FBXL18: variants seen among roughly 807,000 people sequenced by gnomAD.
The protein encoded by FBXL18 is F-box and leucine rich repeat protein 18.
FBXL18 carries 36 observed loss-of-function variants against 46.0 expected under a neutral mutation model. The observed-to-expected ratio is 0.78, with a 90% confidence interval of 0.60 to 1.03. The LOEUF (loss-of-function observed/expected upper bound fraction) is 1.03, where lower values mean the gene tolerates loss of function less well. Ranked by LOEUF, FBXL18 falls within the 50% of genes least tolerant of loss-of-function variation. FBXL18 has a pLI of 0.00. For missense variants in FBXL18, 977 were observed against 1,004.1 expected (o/e 0.97, Z 0.36); for synonymous variants, 557 against 465.3 (o/e 1.20, Z -2.54).
intron 3 of FBXL18, among the ~76,000 whole-genome samples, chr7:5,494,674 G>A (rs1784026394): frequency 6.6e-6 from 1 of 152,136 alleles, no homozygotes; most frequent in Non-Finnish European, 1.5e-5. Context: ...TGCAGGCGCC[G>A]CACCTGCTGA....
intron 4 of FBXL18, among the ~76,000 whole-genome samples, chr7:5,460,649 C>T (rs1783231056): frequency 6.6e-6 from 1 of 152,176 alleles, no homozygotes; most frequent in Admixed American, 6.6e-5. Flanking sequence ...GATGGGGTTT[C>T]ACCATGTTGG....
At position 5,513,639 on chromosome 7, in the gene FBXL18, G is replaced by C. The variant is rs1247532360; in HGVS notation, c.18+18C>G. ...GCCGCCGAGGCAGAAGCAGAGCGGA[G>C]ACAGTCGCGGACAGTACCTCTCCGG... On this transcript the variant is annotated intron_variant, in intron 1 of 4. Coordinates refer to ENST00000382368, the MANE Select transcript of FBXL18 (RefSeq NM_024963.6). 3 of 1,611,994 alleles carry C rather than the reference G, an allele frequency of 1.9e-6. No homozygotes were observed. Among genetic ancestry groups the C allele is most frequent in the Non-Finnish European group, 2.5e-6 (3 of 1,179,070 alleles).
At position 5,481,195 on chromosome 7, in the gene FBXL18, G is replaced by C. The variant is rs1410557201; in HGVS notation, c.*580C>G. On this transcript the variant is annotated 3_prime_UTR_variant, in exon 5 of 5. Coordinates refer to ENST00000382368, the MANE Select transcript of FBXL18 (RefSeq NM_024963.6). ...TAGAAAAGCCCCAGAGACATGAGTGGGCTCAAGTGTGTCCTAATGGGATGG... is the reference window on the plus strand; with the variant it reads ...TAGAAAAGCCCCAGAGACATGAGTGCGCTCAAGTGTGTCCTAATGGGATGG... The C allele has an allele frequency of 6.5e-6, 1 of 152,680 alleles. No individual in the cohort carries two copies. 9.5% of individuals were successfully genotyped at this position (152,680 alleles called of 1,614,324 possible).
intron 4 of FBXL18, chr7:5,489,519 C>G: frequency 6.1e-6 from 2 of 330,076 alleles, no homozygotes; most frequent in South Asian, 2.4e-5. Flanking sequence ...GCCTGTAATC[C>G]CAGCACTTTG....
rs1490535690 is a variant in FBXL18 at position 5,496,815 on chromosome 7, C to A, written c.1781+3673G>T. Among the ~76,000 whole-genome samples, 2 of 151,898 alleles carry A rather than the reference C, an allele frequency of 1.3e-5. No individual in the cohort carries two copies. Among genetic ancestry groups the A allele is most frequent in the East Asian group, 3.9e-4 (2 of 5,178 alleles). ...CCGAGGTGGGCGGATCACCTGAGGT[C>A]AGGAGTTCGAGACCAGCCTGGCCAA... On this transcript the variant is annotated intron_variant, in intron 3 of 4. Coordinates refer to ENST00000382368, the MANE Select transcript of FBXL18 (RefSeq NM_024963.6). This position sits in a 1 kb window ranked among gnomAD's most constrained non-coding sequence, Gnocchi z 4.8.
At chr7:5,483,478 C>T (rs1001847534) in intron 4 of FBXL18, among the ~76,000 whole-genome samples, 2 of 150,538 alleles carry the variant, frequency 1.3e-5, no homozygotes, top group African/African-American at 4.9e-5. Context: ...AGCGCAGTGG[C>T]TCATGCCTGT....
Position 5,481,713 on chromosome 7 carries a change from G to T in FBXL18, c.*62C>A. 6.4e-7 allele frequency: 1 copy of T among 1,572,554 alleles called. No individual in the cohort carries two copies. The highest frequency in any genetic ancestry group is 8.7e-7 in the Non-Finnish European group (1 of 1,151,040). ...CTCTTGTGACAAACCAAGGGTCCCTGGCGTCCCAGGCTCCTGCAGCTTCTC... is the reference window on the plus strand; with the variant it reads ...CTCTTGTGACAAACCAAGGGTCCCTTGCGTCCCAGGCTCCTGCAGCTTCTC... On this transcript the variant is annotated 3_prime_UTR_variant, in exon 5 of 5. Coordinates refer to ENST00000382368, the MANE Select transcript of FBXL18 (RefSeq NM_024963.6).
At position 5,501,375 on chromosome 7, in the gene FBXL18, G is replaced by T; in HGVS notation, c.894C>A (p.Pro298=). ...RNVVLDALQL[P]KSWLNGSSLL... ...GGGAAGAGCCGTTCAGCCAGGACTT[G>T]GGCAGCTGCAGGGCATCCAGCACGA... Residue 298 remains proline (P), a synonymous_variant, in exon 3 of 5, where the codon CCC becomes CCA. Transcript: ENST00000382368. 1 of 1,614,064 alleles carries T rather than the reference G, an allele frequency of 6.2e-7. No individual in the cohort carries two copies. Among genetic ancestry groups the T allele is most frequent in the Non-Finnish European group, 8.5e-7 (1 of 1,180,042 alleles).
chr7:5,500,207 G>C (rs1260422482), intron 3 of FBXL18, among the ~76,000 whole-genome samples: 9 of 152,126 alleles, frequency 5.9e-5, no homozygotes, highest in African/African-American at 2.2e-4. Context: ...ACCTGGCAGG[G>C]TCCTGAGACG....
intron 4 of FBXL18, among the ~76,000 whole-genome samples, chr7:5,457,970 G>A (rs1003606476): frequency 6.6e-6 from 1 of 152,114 alleles, no homozygotes; most frequent in Admixed American, 6.6e-5. Context: ...CCCAGCTGGA[G>A]AACTGCCCAC....
At chr7:5,498,275 G>C (rs992411261) in intron 3 of FBXL18, among the ~76,000 whole-genome samples, 1 of 151,972 alleles carries the variant, frequency 6.6e-6, no homozygotes, top group Non-Finnish European at 1.5e-5. Flanking sequence ...TTTTAGTAGA[G>C]ACGGGTTTCA....
At chr7:5,464,334 C>A in intron 4 of FBXL18, among the ~76,000 whole-genome samples, 1 of 151,932 alleles carries the variant, frequency 6.6e-6, no homozygotes, top group East Asian at 2.0e-4. Context: ...CAAAAATTAG[C>A]CAGGCATGGT....
chr7:5,474,791 T>A (rs1042531088), downstream of FBXL18, among the ~76,000 whole-genome samples: 2 of 150,696 alleles, frequency 1.3e-5, no homozygotes, highest in African/African-American at 4.9e-5. Context: ...CACTGCAAGC[T>A]CCGCCTCCCG....
At chr7:5,507,039 G>C (rs1784411530) in intron 1 of FBXL18, among the ~76,000 whole-genome samples, 1 of 152,200 alleles carries the variant, frequency 6.6e-6, no homozygotes, top group South Asian at 2.1e-4. Flanking sequence ...ACCAAGGGGA[G>C]CCTCTCAGAG....
chr7:5,491,121 G>T (rs1269466892), intron 4 of FBXL18, 110 bp downstream of exon 4: 5 of 1,028,872 alleles, frequency 4.9e-6, no homozygotes, highest in South Asian at 1.6e-5. Context: ...CCTGGTGCTC[G>T]TCAATTCCAA....
In FBXL18 at chr7:5,455,908, G is replaced by A. The variant is rs978227959; in HGVS notation, c.2001-8065C>T. 6.6e-6 allele frequency among the ~76,000 whole-genome samples: 1 copy of A among 152,076 alleles called. No individual in the cohort carries two copies. The highest frequency in any genetic ancestry group is 1.5e-5 in the Non-Finnish European group (1 of 68,014). On this transcript the variant is annotated intron_variant and NMD_transcript_variant, in intron 4 of 6. Coordinates refer to the FBXL18 transcript ENST00000415009. This position sits in a 1 kb window ranked among gnomAD's most constrained non-coding sequence, Gnocchi z 4.6. The stretch of plus-strand genomic sequence containing the variant: ...TCTGCCCCATGCGGGACTCTCTCAT[G>A]GGCCGTGCTGGCTCCAGCATCGCAG...
chr7:5,497,895 G>A (rs910897029), intron 3 of FBXL18, among the ~76,000 whole-genome samples: 6 of 151,900 alleles, frequency 3.9e-5, no homozygotes, highest in Non-Finnish European at 7.4e-5. Flanking sequence ...ACGTGCCCAC[G>A]TGCCCCTTAG....
chr7:5,484,108 G>A (rs917068248), intron 4 of FBXL18, among the ~76,000 whole-genome samples: 3 of 152,158 alleles, frequency 2.0e-5, no homozygotes, highest in Admixed American at 2.0e-4. Flanking sequence ...CTGTGAAACC[G>A]TCATGCCATG....
At chr7:5,482,060 C>A in intron 4 of FBXL18, 129 bp from the exon 5 acceptor site, 1 of 1,098,162 alleles carries the variant, frequency 9.1e-7, no homozygotes, top group South Asian at 1.6e-5. Context: ...CCCAGACAGA[C>A]CATGCCTGCC....
Sources: allele counts gnomAD v4.1 joint callset (sites outside exome capture counted in the v4.1 genomes callset), GRCh38; gene constraint gnomAD v4.1.1; non-coding constraint Gnocchi (gnomAD v3.1); transcripts MANE v1.5; gene names NCBI Gene and HGNC (gene_info 2026-07-23, HGNC 2026-07-21).